The following CAMTA1 variants were observed in gnomAD, a reference collection of about 807,000 sequenced individuals.
CAMTA1 encodes the protein calmodulin binding transcription activator 1.
CAMTA1 carries 27 observed loss-of-function variants against 170.9 expected under a neutral mutation model. That is an observed-to-expected ratio of 0.16 (90% CI 0.12 to 0.22). CAMTA1 has a LOEUF of 0.22. Among genes scored for constraint, CAMTA1 ranks in the 10% least tolerant of loss-of-function variants. The probability of loss-of-function intolerance (pLI) is 1.00; values close to 1 mark genes in which losing one functional copy is unlikely to be tolerated. For synonymous variants in CAMTA1, 833 were observed against 891.5 expected (o/e 0.93, Z 1.17); for missense variants, 1,619 against 2,217.2 (o/e 0.73, Z 5.42).
intron 5 of CAMTA1, among the ~76,000 whole-genome samples, chr1:7,438,249 G>A (rs1486667822): frequency 1.3e-5 from 2 of 152,208 alleles, no homozygotes; most frequent in Non-Finnish European, 2.9e-5. Context: ...ACTGGGGTGA[G>A]GGGCAAGACG....
intron 6 of CAMTA1, among the ~76,000 whole-genome samples, chr1:7,605,987 G>T (rs1421015214): frequency 2.6e-5 from 4 of 152,168 alleles, no homozygotes; most frequent in Admixed American, 6.5e-5. Context: ...CTCCATCCCT[G>T]CCCTCCTGCC....
chr1:7,176,127 C>G (rs188190688), intron 4 of CAMTA1, among the ~76,000 whole-genome samples: 1 of 152,174 alleles, frequency 6.6e-6, no homozygotes, highest in Non-Finnish European at 1.5e-5. Context: ...GGATAGATAC[C>G]TCTTGATTCA....
At chr1:7,605,198 C>T (rs1557991412) in intron 6 of CAMTA1, among the ~76,000 whole-genome samples, 1 of 152,238 alleles carries the variant, frequency 6.6e-6, no homozygotes, top group Non-Finnish European at 1.5e-5. Flanking sequence ...GGAACCACTA[C>T]TCTCTTCAAA....
intron 7 of CAMTA1, among the ~76,000 whole-genome samples, chr1:7,652,138 T>A (rs867629487): frequency 6.6e-6 from 1 of 152,108 alleles, no homozygotes; most frequent in Non-Finnish European, 1.5e-5. Flanking sequence ...GAACCCTTCT[T>A]AGCTTCTTTG....
chr1:7,491,868 G>A (rs2093708284), intron 6 of CAMTA1, among the ~76,000 whole-genome samples: 2 of 152,156 alleles, frequency 1.3e-5, no homozygotes, highest in Non-Finnish European at 2.9e-5. Flanking sequence ...AAACTTAATG[G>A]GCTCCCTTCT....
At chr1:7,006,189 C>G (rs1417043121) in intron 3 of CAMTA1, among the ~76,000 whole-genome samples, 2 of 152,124 alleles carry the variant, frequency 1.3e-5, no homozygotes, top group Non-Finnish European at 2.9e-5. Context: ...CTAGTCTTTC[C>G]CTGGGCAATG....
At chr1:6,889,026 G>A (rs1673944820) in intron 3 of CAMTA1, among the ~76,000 whole-genome samples, 1 of 152,108 alleles carries the variant, frequency 6.6e-6, no homozygotes, top group African/African-American at 2.4e-5. Flanking sequence ...TACACACTGA[G>A]GGAAATCAAC....
intron 4 of CAMTA1, among the ~76,000 whole-genome samples, chr1:7,206,772 A>G (rs1165900713): frequency 6.6e-6 from 1 of 152,216 alleles, no homozygotes; most frequent in Non-Finnish European, 1.5e-5. Context: ...TTTTACCAAC[A>G]TTAGCTATTG....
intron 5 of CAMTA1, among the ~76,000 whole-genome samples, chr1:7,279,524 C>T (rs760419384): frequency 2.6e-5 from 4 of 152,146 alleles, no homozygotes; most frequent in African/African-American, 4.8e-5. Flanking sequence ...GCCACCTTCT[C>T]GGCAGAATGT....
intron 3 of CAMTA1, among the ~76,000 whole-genome samples, chr1:7,088,274 G>A (rs1193955573): frequency 6.6e-6 from 1 of 152,150 alleles, no homozygotes; most frequent in Non-Finnish European, 1.5e-5. Flanking sequence ...GGTGGAGGAG[G>A]GAGTGGCGGG....
intron 5 of CAMTA1, among the ~76,000 whole-genome samples, chr1:7,427,282 C>T (rs79784656): frequency 5.5e-4 from 84 of 152,280 alleles, no homozygotes; most frequent in African/African-American, 1.8e-3. Context: ...TGAATTCCAG[C>T]ACATTTAGTC....
At chr1:6,907,380 C>G (rs1327985410) in intron 3 of CAMTA1, among the ~76,000 whole-genome samples, 2 of 152,228 alleles carry the variant, frequency 1.3e-5, no homozygotes, top group South Asian at 4.2e-4. Context: ...CTCCTGCCCT[C>G]CCCCCGCTGT....
chr1:7,174,041 C>T (rs1650230981), intron 4 of CAMTA1, among the ~76,000 whole-genome samples: 1 of 152,170 alleles, frequency 6.6e-6, no homozygotes, highest in African/African-American at 2.4e-5. Flanking sequence ...CTGTCAAGCC[C>T]TCTAATCAGT....
At chr1:7,518,272 C>T (rs1457190184) in intron 6 of CAMTA1, among the ~76,000 whole-genome samples, 3 of 151,946 alleles carry the variant, frequency 2.0e-5, no homozygotes, top group Non-Finnish European at 4.4e-5. Context: ...AAGCCCCTCC[C>T]GGAGGTGTGG....
At chr1:7,155,387 T>G (rs1026706520) in intron 4 of CAMTA1, among the ~76,000 whole-genome samples, 20 of 121,042 alleles carry the variant, frequency 1.7e-4, no homozygotes, top group South Asian at 1.1e-3. Flanking sequence ...AGGGCACCGT[T>G]GGGGGGGGGA....
chr1:6,864,276 C>T (rs1665809211), intron 3 of CAMTA1, among the ~76,000 whole-genome samples: 1 of 152,174 alleles, frequency 6.6e-6, no homozygotes, highest in East Asian at 1.9e-4. Context: ...GTCCAAGTCA[C>T]TCTTTGCAGC....
chr1:6,941,610 A>G (rs1686644034), intron 3 of CAMTA1, among the ~76,000 whole-genome samples: 1 of 152,164 alleles, frequency 6.6e-6, no homozygotes, highest in Non-Finnish European at 1.5e-5. Context: ...GCCGTGGGCA[A>G]TTGGGGCCCT....
intron 3 of CAMTA1, among the ~76,000 whole-genome samples, chr1:6,914,009 G>A (rs1469947268): frequency 6.6e-6 from 1 of 151,908 alleles, no homozygotes; most frequent in Non-Finnish European, 1.5e-5. Context: ...TTGGGACACT[G>A]GGCACAAACA....
Position 7,067,123 on chromosome 1 carries a change from T to C in CAMTA1, c.235-24181T>C, listed in dbSNP as rs1709058585. The stretch of plus-strand genomic sequence containing the variant: ...CCCACACGGGGCACCCCCTTACCCA[T>C]AGCACTGTCTCATCAGAAGTTGGCT... On this transcript the variant is annotated intron_variant, in intron 3 of 22. Transcript: ENST00000303635. This position sits in a 1 kb window ranked among gnomAD's most constrained non-coding sequence, Gnocchi z 4.3. Among the ~76,000 whole-genome samples the C allele has an allele frequency of 1.3e-5, 2 of 152,144 alleles. No individual in the cohort carries two copies. The highest frequency in any genetic ancestry group is 1.5e-5 in the Non-Finnish European group (1 of 68,010).
Sources: gnomAD v4.1 joint callset for allele counts (sites outside exome capture counted in the v4.1 genomes callset) on GRCh38, gnomAD v4.1.1 for gene constraint, Gnocchi (gnomAD v3.1) non-coding constraint, MANE v1.5 for transcripts, NCBI Gene and HGNC (gene_info 2026-07-23, HGNC 2026-07-21) for gene names.